TOP6BL: variants seen among roughly 807,000 people sequenced by gnomAD.
TOP6BL encodes the protein type 2 DNA topoisomerase 6 subunit B-like.
the TOP6BL span, among the ~76,000 whole-genome samples, chr11:66,762,791 A>G: frequency 3.9e-5 from 6 of 152,178 alleles, no homozygotes. Context: ...TATCTTGGTC[A>G]TATCAAAGAA....
At chr11:66,780,859 G>A in the TOP6BL span, among the ~76,000 whole-genome samples, 1 of 152,158 alleles carries the variant, frequency 6.6e-6, no homozygotes, top group African/African-American at 2.4e-5. Flanking sequence ...TGGGATTATA[G>A]GCATGAGCCA....
the TOP6BL span, among the ~76,000 whole-genome samples, chr11:66,827,518 C>T: frequency 6.6e-6 from 1 of 151,988 alleles, no homozygotes; most frequent in Non-Finnish European, 1.5e-5. Context: ...TTCCTCTCCT[C>T]CCTAAAAGAC....
chr11:66,786,980 C>G, the TOP6BL span, among the ~76,000 whole-genome samples: 6 of 150,650 alleles, frequency 4.0e-5, no homozygotes, highest in Non-Finnish European at 7.4e-5. Flanking sequence ...GTTGCCCAGG[C>G]TGGAGTGCAA....
the TOP6BL span, among the ~76,000 whole-genome samples, chr11:66,824,928 G>A: frequency 6.6e-6 from 1 of 152,010 alleles, no homozygotes; most frequent in Non-Finnish European, 1.5e-5. Flanking sequence ...TGTCTTTATA[G>A]CAGCATGATT....
At chr11:66,800,080 C>T in the TOP6BL span, among the ~76,000 whole-genome samples, 4 of 147,786 alleles carry the variant, frequency 2.7e-5, no homozygotes, top group Admixed American at 2.7e-4. Flanking sequence ...AAAAAAAAAA[C>T]CACAAAAAAC....
At chr11:66,814,455 GT>G in the TOP6BL span, among the ~76,000 whole-genome samples, 7 of 152,044 alleles carry the variant, frequency 4.6e-5, no homozygotes, top group Non-Finnish European at 8.8e-5. Flanking sequence ...TAGAGACAGA[GT>G]TTCCCCATGT....
At chr11:66,836,642 CAGG>C in the TOP6BL span, among the ~76,000 whole-genome samples, 5 of 149,628 alleles carry the variant, frequency 3.3e-5, no homozygotes, top group Admixed American at 3.3e-4. Context: ...CGCTTGAGCC[CAGG>C]AGTTTGAGAC....
the TOP6BL span, among the ~76,000 whole-genome samples, chr11:66,818,942 G>A: frequency 3.9e-5 from 6 of 152,180 alleles, no homozygotes; most frequent in Non-Finnish European, 7.3e-5. Context: ...GTTGTACTCA[G>A]TATTGGATTT....
At chr11:66,819,607 C>T in the TOP6BL span, among the ~76,000 whole-genome samples, 8 of 151,600 alleles carry the variant, frequency 5.3e-5, no homozygotes, top group East Asian at 1.9e-4. Flanking sequence ...CTCGTCTCTA[C>T]ATATACAAAT....
chr11:66,771,751 C>A, the TOP6BL span: 1 of 157,174 alleles, frequency 6.4e-6, no homozygotes, highest in Non-Finnish European at 1.4e-5. Context: ...GAAGATGGTC[C>A]TGGAGGTTGC....
the TOP6BL span, chr11:66,788,256 A>G: frequency 3.1e-6 from 5 of 1,611,266 alleles, no homozygotes; most frequent in East Asian, 2.2e-5. Flanking sequence ...ACACCCTTCC[A>G]GATGATTTTT....
chr11:66,818,905 A>G, the TOP6BL span, among the ~76,000 whole-genome samples: 2 of 152,080 alleles, frequency 1.3e-5, no homozygotes, highest in East Asian at 3.9e-4. Context: ...GTTTAGCTTG[A>G]CCCTGAAGGC....
the TOP6BL span, chr11:66,842,845 C>G: frequency 6.4e-7 from 1 of 1,560,420 alleles, no homozygotes. Context: ...TGTTTTTCTC[C>G]TAGATACCAG....
the TOP6BL span, among the ~76,000 whole-genome samples, chr11:66,839,868 C>T: frequency 6.6e-6 from 1 of 152,146 alleles, no homozygotes; most frequent in East Asian, 1.9e-4. Flanking sequence ...ACAGCCTTAT[C>T]TCATTTAGTC....
chr11:66,827,771 C>T, the TOP6BL span, among the ~76,000 whole-genome samples: 1 of 151,722 alleles, frequency 6.6e-6, no homozygotes, highest in East Asian at 1.9e-4. Flanking sequence ...TCGAAACCAG[C>T]CTTGCCAACA....
chr11:66,836,399 C>T, the TOP6BL span, among the ~76,000 whole-genome samples: 4 of 151,856 alleles, frequency 2.6e-5, no homozygotes, highest in Middle Eastern at 3.4e-3. Context: ...TTAGTGGAGA[C>T]GGGGTTTCAC....
At chr11:66,775,685 A>G in the TOP6BL span, among the ~76,000 whole-genome samples, 2 of 152,176 alleles carry the variant, frequency 1.3e-5, no homozygotes, top group African/African-American at 4.8e-5. Context: ...TGGTTCTGCA[A>G]CCTCTTAACT....
the TOP6BL span, among the ~76,000 whole-genome samples, chr11:66,765,830 A>G: frequency 1.3e-5 from 2 of 152,210 alleles, no homozygotes; most frequent in Non-Finnish European, 2.9e-5. Context: ...TATTCTTACT[A>G]ATTAGTAACA....
chr11:66,821,158 T>C, the TOP6BL span, among the ~76,000 whole-genome samples: 1 of 152,226 alleles, frequency 6.6e-6, no homozygotes, highest in African/African-American at 2.4e-5. Flanking sequence ...ACTGTGATAA[T>C]TTGTACACCT....
Sources: gnomAD v4.1 joint callset for allele counts (sites outside exome capture counted in the v4.1 genomes callset) on GRCh38, gnomAD v4.1.1 for gene constraint, MANE v1.5 for transcripts, NCBI Gene and HGNC (gene_info 2026-07-23, HGNC 2026-07-21) for gene names.